ITGAM: variants seen among roughly 807,000 people sequenced by gnomAD.
The protein encoded by ITGAM is integrin subunit alpha M.
In ITGAM, 79 loss-of-function variants were observed where a neutral mutation model predicts 137.5. The ratio of observed to expected loss-of-function variants is 0.57; its 90% CI spans 0.48 to 0.69. The LOEUF (loss-of-function observed/expected upper bound fraction) is 0.69. Ranked by LOEUF, ITGAM falls within the 30% of genes least tolerant of loss-of-function variation. The pLI is 0.00. For synonymous variants in ITGAM, 583 were observed against 592.3 expected, an observed-to-expected ratio of 0.98 and a Z score of 0.23; for missense variants, 1,343 against 1,483.5, an observed-to-expected ratio of 0.91 and a Z score of 1.56.
At chr16:31,327,538 G>A (rs1334732724) in intron 22 of ITGAM, among the ~76,000 whole-genome samples, 1 of 151,924 alleles carries the variant, frequency 6.6e-6, no homozygotes, top group African/African-American at 2.4e-5. Context: ...AGGCTGCAGT[G>A]AGCTGAGATG....
At chr16:31,281,717 C>G (rs980627801) in intron 12 of ITGAM, among the ~76,000 whole-genome samples, 4 of 152,152 alleles carry the variant, frequency 2.6e-5, no homozygotes, top group African/African-American at 9.7e-5. Context: ...GTCTCTATTT[C>G]CTTCAGTTCT....
Position 31,276,666 on chromosome 16 carries a change from T to A in ITGAM, c.1010-5T>A, listed in dbSNP as rs1236870736. On this transcript the variant is annotated splice_region_variant and splice_polypyrimidine_tract_variant and intron_variant, in intron 9 of 29. Coordinates refer to ENST00000544665, the MANE Select transcript of ITGAM (RefSeq NM_000632.4). ...CTTTAATATAGAAACTTCTCCTCTT[T>A]ACAGGTACTCAGACAGGAAGTAGCA... 6.2e-7 allele frequency: 1 copy of A among 1,607,696 alleles called. No homozygotes were observed. The highest frequency in any genetic ancestry group is 8.5e-7 in the Non-Finnish European group (1 of 1,176,234).
At chr16:31,320,267 G>T (rs1391007275) in intron 14 of ITGAM, among the ~76,000 whole-genome samples, 5 of 151,994 alleles carry the variant, frequency 3.3e-5, no homozygotes, top group Non-Finnish European at 7.4e-5. Flanking sequence ...CACGTTTTAC[G>T]TTATTGATTC....
At chr16:31,328,613 A>G (rs1292566645) in intron 23 of ITGAM, among the ~76,000 whole-genome samples, 1 of 131,734 alleles carries the variant, frequency 7.6e-6, no homozygotes, top group Non-Finnish European at 1.6e-5. Context: ...ATCTATGTGC[A>G]TGTGTGTCTG....
chr16:31,331,354 G>A, intron 29 of ITGAM, 79 bp downstream of exon 29: 1 of 865,618 alleles, frequency 1.2e-6, no homozygotes, highest in Admixed American at 1.9e-5. Context: ...GGTTTCCCCG[G>A]CGGGGCTGCC....
rs748144523 is a variant in ITGAM at position 31,275,669 on chromosome 16, C to A, written c.979C>A (p.Gln327Lys). 1.9e-6 allele frequency: 3 copies of A among 1,613,904 alleles called. No homozygotes were observed. The Admixed American group carries it at 5.0e-5, about 27-fold the overall frequency. ...TGAGGCTCTGAAGACCATTCAGAAC[C>A]AGCTTCGGGAGAAGATCTTTGCGAT... ...NFEALKTIQN[Q>K]LREKIFAIEG... The change falls in exon 9 of 30, where the codon CAG (glutamine) becomes AAG (lysine). Residue 327 changes from glutamine to lysine, a missense_variant. By Grantham distance (53) the Gln-to-Lys change is moderately conservative (BLOSUM62 1). Transcript: ENST00000544665.
intron 12 of ITGAM, among the ~76,000 whole-genome samples, chr16:31,289,558 A>C (rs1158058382): frequency 2.0e-5 from 3 of 152,180 alleles, no homozygotes; most frequent in Non-Finnish European, 4.4e-5. Context: ...TTGAACAATG[A>C]GAACACTTGG....
chr16:31,272,649 A>G (rs2144294568), intron 7 of ITGAM, among the ~76,000 whole-genome samples: 1 of 148,958 alleles, frequency 6.7e-6, no homozygotes, highest in East Asian at 2.0e-4. Context: ...ACCATCAGCT[A>G]ATTTTTGTAT....
chr16:31,260,763 C>T (rs2079689872), intron 1 of ITGAM, among the ~76,000 whole-genome samples: 1 of 152,182 alleles, frequency 6.6e-6, no homozygotes, highest in Non-Finnish European at 1.5e-5. Context: ...GGTCAGGAGT[C>T]AGCAAACAGT....
chr16:31,299,765 T>TTCCTCC (rs377637740), intron 14 of ITGAM, among the ~76,000 whole-genome samples: 7 of 121,712 alleles, frequency 5.8e-5, no homozygotes, highest in Non-Finnish European at 6.5e-5. Context: ...CCTCCTCCTC[T>TTCCTCC]TCCTCCTCCT....
chr16:31,266,196 G>T, intron 5 of ITGAM, 49 bp downstream of exon 5: 1 of 1,320,526 alleles, frequency 7.6e-7, no homozygotes, highest in Non-Finnish European at 1.1e-6. Context: ...AAGACCAGGG[G>T]AGGGGGCAGG....
chr16:31,329,484 C>T (rs1000394651), intron 24 of ITGAM, among the ~76,000 whole-genome samples, 181 bp downstream of exon 24: 1 of 152,128 alleles, frequency 6.6e-6, no homozygotes, highest in African/African-American at 2.4e-5. Flanking sequence ...CATGCACGCA[C>T]GTAGTTATCT....
At chr16:31,274,537 G>T (rs1395702291) in intron 8 of ITGAM, among the ~76,000 whole-genome samples, 1 of 152,220 alleles carries the variant, frequency 6.6e-6, no homozygotes, top group Non-Finnish European at 1.5e-5. Context: ...GGTGAGAACA[G>T]ACAGAGAAGA....
intron 29 of ITGAM, 63 bp downstream of exon 29, chr16:31,331,338 T>A (rs1434945450): frequency 3.2e-6 from 3 of 938,530 alleles, no homozygotes; most frequent in Non-Finnish European, 5.1e-6. Context: ...TGCAGCTCCG[T>A]GCCTCGGTTT....
intron 2 of ITGAM, among the ~76,000 whole-genome samples, chr16:31,262,935 A>G (rs1203986149): frequency 1.3e-4 from 20 of 151,910 alleles, no homozygotes; most frequent in Non-Finnish European, 2.8e-4. Flanking sequence ...TAATTGGGAG[A>G]TGCTATAATT....
chr16:31,329,077 C>A, intron 23 of ITGAM, 151 bp from the exon 24 acceptor site: 1 of 484,216 alleles, frequency 2.1e-6, no homozygotes, highest in Non-Finnish European at 3.9e-6. Flanking sequence ...ATTGGTTCCC[C>A]CATCCCCCTG....
intron 12 of ITGAM, among the ~76,000 whole-genome samples, chr16:31,280,362 T>C (rs370423561): frequency 6.6e-6 from 1 of 152,218 alleles, no homozygotes; most frequent in African/African-American, 2.4e-5. Context: ...ATTCTTCCTA[T>C]CCATGAGCAT....
chr16:31,294,035 G>A (rs1360778885), intron 12 of ITGAM, among the ~76,000 whole-genome samples: 1 of 151,978 alleles, frequency 6.6e-6, no homozygotes, highest in Non-Finnish European at 1.5e-5. Context: ...TTGGCTCCCA[G>A]CTCTTGTTGG....
chr16:31,288,710 T>A (rs1228027937), intron 12 of ITGAM, among the ~76,000 whole-genome samples: 1 of 152,218 alleles, frequency 6.6e-6, no homozygotes, highest in African/African-American at 2.4e-5. Flanking sequence ...AAGGACTTCA[T>A]GTCTAAAACA....
Sources: allele counts gnomAD v4.1 joint callset (sites outside exome capture counted in the v4.1 genomes callset), GRCh38; gene constraint gnomAD v4.1.1; transcripts MANE v1.5; gene names NCBI Gene and HGNC (gene_info 2026-07-23, HGNC 2026-07-21).